Variants in ADGRL3 observed in about 807,000 individuals in gnomAD.
ADGRL3 encodes calcium-independent alpha-latrotoxin receptor 3.
Under a neutral mutation model 153.5 loss-of-function variants are expected in ADGRL3, and 62 were observed. The ratio of observed to expected loss-of-function variants is 0.40; its 90% CI spans 0.33 to 0.50. ADGRL3 has a LOEUF of 0.50. Ranked by LOEUF, ADGRL3 falls within the 20% of genes least tolerant of loss-of-function variation. ADGRL3 has a pLI of 0.47. For synonymous variants in ADGRL3, 710 were observed against 672.5 expected, an observed-to-expected ratio of 1.06 and a Z score of -0.86; for missense variants, 1,641 against 1,859.4, an observed-to-expected ratio of 0.88 and a Z score of 2.16.
chr4:61,357,359 G>T (rs759365295), intron 1 of ADGRL3, among the ~76,000 whole-genome samples: 3 of 151,988 alleles, frequency 2.0e-5, no homozygotes, highest in Non-Finnish European at 4.4e-5. Context: ...TCCATTGTAG[G>T]ATAATAGTAG....
chr4:61,533,721 A>G (rs1408527991), intron 4 of ADGRL3, among the ~76,000 whole-genome samples: 1 of 152,144 alleles, frequency 6.6e-6, no homozygotes, highest in African/African-American at 2.4e-5. Flanking sequence ...TATGATTTCT[A>G]AAGCATAGCT....
Position 61,635,004 on chromosome 4 carries a change from G to T in ADGRL3, c.474-41822G>T, listed in dbSNP as rs553575302. 7.2e-5 allele frequency among the ~76,000 whole-genome samples: 11 copies of T among 152,218 alleles called. No homozygotes were observed. The South Asian group carries it at 2.3e-3, about 32-fold the overall frequency. On this transcript the variant is annotated intron_variant, in intron 5 of 26. Coordinates refer to ENST00000683033, the MANE Select transcript of ADGRL3 (RefSeq NM_001387552.1). ...ACTCATGAGAAAGACTGAGGCGAGG[G>T]CAAGAAAACTGAGAAGCAAATCTTT...
chr4:61,300,186 C>T (rs943182633), intron 1 of ADGRL3, among the ~76,000 whole-genome samples: 8 of 152,150 alleles, frequency 5.3e-5, no homozygotes, highest in Admixed American at 2.0e-4. Flanking sequence ...TCCCAGGTTA[C>T]TGGTATCATG....
chr4:61,518,831 T>A (rs2098513440), intron 4 of ADGRL3, among the ~76,000 whole-genome samples: 2 of 152,196 alleles, frequency 1.3e-5, no homozygotes, highest in Non-Finnish European at 2.9e-5. Flanking sequence ...TAGTAAACAT[T>A]CTTTAAGAAC....
chr4:61,352,779 C>G (rs1040381571), intron 1 of ADGRL3, among the ~76,000 whole-genome samples: 2 of 152,166 alleles, frequency 1.3e-5, no homozygotes, highest in African/African-American at 4.8e-5. Context: ...GGAACCTAAC[C>G]TGCAGTATCT....
chr4:61,769,837 C>T (rs1415576148), intron 8 of ADGRL3, among the ~76,000 whole-genome samples: 3 of 151,904 alleles, frequency 2.0e-5, no homozygotes, highest in Non-Finnish European at 4.4e-5. Context: ...AGGACTTTCA[C>T]AAGGTAATGT....
At chr4:61,605,585 T>A (rs779097858) in intron 5 of ADGRL3, among the ~76,000 whole-genome samples, 3 of 152,232 alleles carry the variant, frequency 2.0e-5, no homozygotes, top group Non-Finnish European at 2.9e-5. Context: ...TGAGTAGTTA[T>A]AGTCTAGGGA....
chr4:61,374,195 G>A (rs2096575752), intron 1 of ADGRL3, among the ~76,000 whole-genome samples: 1 of 152,138 alleles, frequency 6.6e-6, no homozygotes, highest in African/African-American at 2.4e-5. Context: ...TCCTATTCAA[G>A]TGTCCACTGC....
chr4:61,247,859 A>G (rs531968102), intron 1 of ADGRL3, among the ~76,000 whole-genome samples: 135 of 152,244 alleles, frequency 8.9e-4, no homozygotes, highest in Non-Finnish European at 1.7e-3. Context: ...GAATGATACC[A>G]TAACGATACT....
intron 11 of ADGRL3, among the ~76,000 whole-genome samples, chr4:61,896,096 A>C (rs1450147827): frequency 1.3e-5 from 2 of 152,132 alleles, no homozygotes; most frequent in African/African-American, 2.4e-5. Flanking sequence ...TACAGCTATA[A>C]AAGTCCAAGA....
At chr4:61,453,382 C>G (rs2097697499) in intron 2 of ADGRL3, among the ~76,000 whole-genome samples, 1 of 152,084 alleles carries the variant, frequency 6.6e-6, no homozygotes, top group Non-Finnish European at 1.5e-5. Context: ...AAAATGTTCA[C>G]AAATATGTTT....
At chr4:61,836,405 G>A (rs1162735091) in intron 9 of ADGRL3, among the ~76,000 whole-genome samples, 3 of 152,096 alleles carry the variant, frequency 2.0e-5, no homozygotes, top group Admixed American at 6.6e-5. Context: ...AACAATTTAA[G>A]TGTAGTGTTT....
intron 2 of ADGRL3, among the ~76,000 whole-genome samples, chr4:61,442,359 G>C (rs935379883): frequency 6.6e-6 from 1 of 152,218 alleles, no homozygotes; most frequent in Non-Finnish European, 1.5e-5. Flanking sequence ...AATCAGATAC[G>C]TAGGAGAAAA....
intron 2 of ADGRL3, among the ~76,000 whole-genome samples, chr4:61,469,354 G>T (rs548354873): frequency 6.6e-6 from 1 of 152,172 alleles, no homozygotes; most frequent in East Asian, 1.9e-4. Context: ...ATTAACCTTT[G>T]CCAAGTGTTT....
intron 4 of ADGRL3, among the ~76,000 whole-genome samples, chr4:61,525,760 A>G (rs549135012): frequency 1.3e-5 from 2 of 152,218 alleles, no homozygotes; most frequent in African/African-American, 4.8e-5. Flanking sequence ...GGAAGAATCA[A>G]AGATGCTGAG....
chr4:61,472,851 G>A (rs1172846868), intron 2 of ADGRL3, among the ~76,000 whole-genome samples: 1 of 151,998 alleles, frequency 6.6e-6, no homozygotes, highest in Admixed American at 6.6e-5. Flanking sequence ...GGGGGTTGTA[G>A]CTTTCTCATA....
intron 1 of ADGRL3, among the ~76,000 whole-genome samples, chr4:61,251,641 G>A (rs1759307292): frequency 6.6e-6 from 1 of 152,080 alleles, no homozygotes; most frequent in South Asian, 2.1e-4. Flanking sequence ...TTATTCTCAA[G>A]AAAGTAATTT....
At chr4:61,772,729 G>C in intron 8 of ADGRL3, among the ~76,000 whole-genome samples, 1 of 152,116 alleles carries the variant, frequency 6.6e-6, no homozygotes, top group East Asian at 1.9e-4. Flanking sequence ...ATGAAGGGCA[G>C]CTCTCATTTG....
At chr4:62,059,099 A>G (rs1178520472) in intron 25 of ADGRL3, among the ~76,000 whole-genome samples, 1 of 152,164 alleles carries the variant, frequency 6.6e-6, no homozygotes, top group African/African-American at 2.4e-5. Flanking sequence ...TGTAGGAACT[A>G]TGAGATAGTA....
Sources: allele counts gnomAD v4.1 joint callset (sites outside exome capture counted in the v4.1 genomes callset), GRCh38; gene constraint gnomAD v4.1.1; transcripts MANE v1.5; gene names NCBI Gene and HGNC (gene_info 2026-07-23, HGNC 2026-07-21).